Variants in PLA2G4F observed in about 807,000 individuals in gnomAD.
The protein encoded by PLA2G4F is cytosolic phospholipase A2 zeta.
PLA2G4F carries 105 observed loss-of-function variants against 103.1 expected under a neutral mutation model. The observed-to-expected ratio is 1.02, with a 90% CI of 0.87 to 1.20. The LOEUF (loss-of-function observed/expected upper bound fraction) is 1.20, where lower values mean the gene tolerates loss of function less well. PLA2G4F is among the 50% of genes most tolerant of loss of function. The pLI is 0.00. For synonymous variants in PLA2G4F, 468 were observed against 441.1 expected, an observed-to-expected ratio of 1.06 and a Z score of -0.76; for missense variants, 1,155 against 1,075.9, an observed-to-expected ratio of 1.07 and a Z score of -1.03.
At chr15:42,146,084 C>A (rs887789756) in intron 14 of PLA2G4F, 43 bp downstream of exon 14, 1 of 1,605,314 alleles carries the variant, frequency 6.2e-7, no homozygotes, top group Admixed American at 1.7e-5. Context: ...CCTCCTCCTC[C>A]CCACCTCCTC....
In PLA2G4F at chr15:42,141,263, T is replaced by C. The variant is rs1244971242; in HGVS notation, c.*721A>G. 2 of 456,572 alleles carry C rather than the reference T, an allele frequency of 4.4e-6. No homozygotes were observed. The allele number at this position is 456,572 out of a possible 1,614,324, so 28.3% of individuals were successfully genotyped here. On this transcript the variant is annotated 3_prime_UTR_variant, in exon 20 of 20. Coordinates refer to ENST00000397272, the MANE Select transcript of PLA2G4F (RefSeq NM_213600.4). ...GGCCACTACACACATCACCAGAGAC[T>C]GTGGTCCAGGTTCGAAGAGTGAAGC...
chr15:42,156,496 C>G lies in PLA2G4F; in HGVS notation c.54G>C (p.Leu18=), dbSNP rs139464433. ...CTCTCTTCTGAAGCAGCACTGCCCC[C>G]AGGAGGGGCAGCATCTTGTCTGCCA... ...RWLADKMLPL[L]GAVLLQKREK... is the part of the protein sequence containing the mutation. Residue 18 remains leucine, a synonymous_variant, in exon 1 of 20, where the codon CTG becomes CTC. Coordinates refer to ENST00000397272, the MANE Select transcript of PLA2G4F (RefSeq NM_213600.4). 116 of 1,562,808 alleles carry G rather than the reference C, an allele frequency of 7.4e-5. No individual in the cohort carries two copies. The African/African-American group carries it at 1.4e-3, about 19-fold the overall frequency.
In PLA2G4F at chr15:42,141,952, T is replaced by C; in HGVS notation, c.*32A>G. On this transcript the variant is annotated 3_prime_UTR_variant, in exon 20 of 20. Coordinates refer to ENST00000397272, the MANE Select transcript of PLA2G4F (RefSeq NM_213600.4). ...CCCTGACCATGAGCAGTGTGTCTCC[T>C]CTCTGTCACAGTCCTCCGCTTCCTG... is the stretch of plus-strand genomic sequence containing the variant. 2 of 1,584,434 alleles carry C rather than the reference T, an allele frequency of 1.3e-6. No individual in the cohort carries two copies. Among genetic ancestry groups the C allele is most frequent in the Non-Finnish European group, 1.7e-6 (2 of 1,156,398 alleles).
chr15:42,147,008 A>T (rs1267442418), intron 13 of PLA2G4F, 116 bp downstream of exon 13: 23 of 1,052,196 alleles, frequency 2.2e-5, no homozygotes, highest in Non-Finnish European at 3.1e-5. Flanking sequence ...AGGGGAGCCG[A>T]GAGCTCAGGA....
Position 42,144,566 on chromosome 15 carries a change from T to G in PLA2G4F, c.1859A>C (p.Gln620Pro), listed in dbSNP as rs1156734436. ...RLLTPQGPFS[Q>P]AVLDIFTSRF... ...GGAGGTGAATATGTCCAGCACAGCC[T>G]GGGAGAAGGGCCCCTGTGGGGTGAG... is the stretch of plus-strand genomic sequence containing the variant. Residue 620 changes from glutamine (Q) to proline (P), a missense_variant, in exon 17 of 20, where the codon CAG becomes CCG. Around this residue, in one of 3 missense-constraint regions of PLA2G4F, gnomAD observed 782 missense variants for 692.9 expected, o/e 1.13. Transcript: ENST00000397272. 1 of 1,613,310 alleles carries G rather than the reference T, an allele frequency of 6.2e-7. No individual in the cohort carries two copies.
At chr15:42,144,307 G>T in intron 17 of PLA2G4F, 143 bp downstream of exon 17, 1 of 1,379,622 alleles carries the variant, frequency 7.2e-7, no homozygotes, top group South Asian at 1.4e-5. Flanking sequence ...GCTTCCAGCA[G>T]TATTTAGAGT....
intron 2 of PLA2G4F, 89 bp from the exon 3 acceptor site, chr15:42,154,547 C>T: frequency 7.1e-7 from 1 of 1,410,394 alleles, no homozygotes; most frequent in African/African-American, 1.4e-5. Flanking sequence ...GGGGAAGGAG[C>T]AGAGTGGGGA....
Position 42,144,062 on chromosome 15 carries a change from G to T in PLA2G4F, c.2058C>A (p.Asn686Lys). Residue 686 changes from asparagine (N) to lysine (K), a missense_variant, in exon 18 of 20, where the codon AAC becomes AAA. By Grantham distance (94) the Asn-to-Lys change is moderately conservative. This residue lies in a region of PLA2G4F where 782 missense variants were observed against 692.9 expected (regional missense o/e 1.13). Transcript: ENST00000397272. ...LYLVDGGFAINSPFPLALLPQ... is the reference protein window; with the variant it reads ...LYLVDGGFAIKSPFPLALLPQ... ...GCAGCAGAGCCAGTGGGAACGGAGA[G>T]TTGATGGCAAAGCCTCCGTCCACCA... 6.2e-7 allele frequency: 1 copy of T among 1,614,054 alleles called. No individual in the cohort carries two copies. The highest frequency in any genetic ancestry group is 8.5e-7 in the Non-Finnish European group (1 of 1,179,944).
intron 11 of PLA2G4F, 78 bp downstream of exon 11, chr15:42,149,635 C>T (rs2048932199): frequency 6.3e-7 from 1 of 1,577,054 alleles, no homozygotes; most frequent in Admixed American, 1.8e-5. Flanking sequence ...CCCCTCTTAG[C>T]CATGCTGGTC....
chr15:42,153,432 C>T (rs2048979822), intron 5 of PLA2G4F, 90 bp from the exon 6 acceptor site: 2 of 1,534,536 alleles, frequency 1.3e-6, no homozygotes, highest in African/African-American at 1.4e-5. Flanking sequence ...GCGGGCAGAG[C>T]ATGAGGAACA....
chr15:42,155,453 G>C, intron 2 of PLA2G4F, 64 bp downstream of exon 2: 1 of 1,543,978 alleles, frequency 6.5e-7, no homozygotes, highest in South Asian at 1.1e-5. Flanking sequence ...TAGCCAGCCT[G>C]AGCTGAGCTC....
intron 11 of PLA2G4F, chr15:42,149,429 C>T (rs2048929290): frequency 1.1e-6 from 1 of 920,588 alleles, no homozygotes; most frequent in Non-Finnish European, 1.3e-6. Flanking sequence ...ATGACACCTT[C>T]ATCTCGGACT....
At chr15:42,147,815 T>C (rs1225263889) in intron 11 of PLA2G4F, 53 bp from the exon 12 acceptor site, 1 of 1,602,984 alleles carries the variant, frequency 6.2e-7, no homozygotes, top group African/African-American at 1.3e-5. Flanking sequence ...GTCATTGACG[T>C]ATTACTGCCT....
At chr15:42,155,206 C>T (rs2049003592) in intron 2 of PLA2G4F, among the ~76,000 whole-genome samples, 3 of 151,764 alleles carry the variant, frequency 2.0e-5, no homozygotes, top group Admixed American at 2.0e-4. Flanking sequence ...GTCACATTTG[C>T]ACTCACACAC....
intron 4 of PLA2G4F, 129 bp from the exon 5 acceptor site, chr15:42,153,789 A>G (rs1624183): frequency 0.12 from 116,681 of 1,013,396 alleles, 18,702 homozygotes; most frequent in African/African-American, 0.63. Flanking sequence ...TGTCATGGAC[A>G]TAGGAGGGGC....
rs1319084936 is a variant in PLA2G4F, at chr15:42,139,222, T to C, written c.*2762A>G. On this transcript the variant is annotated 3_prime_UTR_variant, in exon 20 of 20. Transcript: ENST00000397272. Reference sequence around the variant, plus strand: ...TGGGCGTAGATGATCAAAGGTCAGTTCCTGGTCAACAGAAGTAAACAAGCC... The same window carrying C: ...TGGGCGTAGATGATCAAAGGTCAGTCCCTGGTCAACAGAAGTAAACAAGCC... 1 of 154,164 alleles carries C rather than the reference T, an allele frequency of 6.5e-6. No homozygotes were observed. Among genetic ancestry groups the C allele is most frequent in the Admixed American group, 6.5e-5 (1 of 15,290 alleles). The allele number at this position is 154,164 out of a possible 1,614,324, so 9.5% of individuals were successfully genotyped here.
At chr15:42,146,620 T>C (rs936502620) in intron 13 of PLA2G4F, 1 of 244,984 alleles carries the variant, frequency 4.1e-6, no homozygotes, top group Non-Finnish European at 8.1e-6. Context: ...TCACTTGTGA[T>C]ATCCACCCAC....
At chr15:42,155,193 G>A (rs756174061) in intron 2 of PLA2G4F, among the ~76,000 whole-genome samples, 26 of 150,456 alleles carry the variant, frequency 1.7e-4, no homozygotes, top group Non-Finnish European at 3.2e-4. Flanking sequence ...ATACACACTC[G>A]CAGTCACATT....
chr15:42,147,253 C>A lies in PLA2G4F; in HGVS notation c.1290G>T (p.Lys430Asn). 2 of 1,612,418 alleles carry A rather than the reference C, an allele frequency of 1.2e-6. No individual in the cohort carries two copies. Among genetic ancestry groups the A allele is most frequent in the Non-Finnish European group, 1.7e-6 (2 of 1,180,008 alleles). ...ERAQVHVCSS[K>N]MGALSTERLQ... ...GCCGCTCCGTGGACAAAGCTCCCAT[C>A]TTACTGCTGCAGACGTGAACCTGGG... Residue 430 changes from lysine (K) to asparagine (N), a missense_variant, in exon 13 of 20, where the codon AAG becomes AAT. This residue lies in a region of PLA2G4F where 782 missense variants were observed against 692.9 expected (regional missense o/e 1.13). Transcript: ENST00000397272.
Sources: gnomAD v4.1 joint callset for allele counts (sites outside exome capture counted in the v4.1 genomes callset) on GRCh38, gnomAD v4.1.1 for gene constraint, gnomAD v4.1.1 regional missense constraint, MANE v1.5 for transcripts, NCBI Gene and HGNC (gene_info 2026-07-23, HGNC 2026-07-21) for gene names.